The following CCSER1 variants were observed in gnomAD, a reference collection of about 807,000 sequenced individuals.
CCSER1 encodes coiled-coil serine rich protein 1, also known as serine-rich coiled-coil domain-containing protein 1.
In CCSER1, 41 loss-of-function variants were observed where a neutral mutation model predicts 82.0. The ratio of observed to expected loss-of-function variants is 0.50; its 90% CI spans 0.39 to 0.65. The LOEUF is 0.65. Among genes scored for constraint, CCSER1 ranks in the 30% least tolerant of loss-of-function variants. The probability of loss-of-function intolerance (pLI) is 0.00; values close to 1 mark genes in which losing one functional copy is unlikely to be tolerated. For missense variants in CCSER1, 1,119 were observed against 1,064.2 expected (o/e 1.05, Z -0.72); for synonymous variants, 414 against 383.9 (o/e 1.08, Z -0.92).
At chr4:90,155,700 G>A (rs1252647416) in intron 1 of CCSER1, among the ~76,000 whole-genome samples, 1 of 152,144 alleles carries the variant, frequency 6.6e-6, no homozygotes, top group Admixed American at 6.5e-5. Flanking sequence ...ATGGTAGTTT[G>A]TATTTCTGTG....
At chr4:90,542,490 C>T (rs1443334675) in intron 5 of CCSER1, among the ~76,000 whole-genome samples, 6 of 151,986 alleles carry the variant, frequency 3.9e-5, no homozygotes, top group East Asian at 3.9e-4. Context: ...CTTCATGCAC[C>T]GCAATCAAGT....
intron 10 of CCSER1, among the ~76,000 whole-genome samples, chr4:91,409,803 C>T (rs1752922472): frequency 6.6e-6 from 1 of 152,170 alleles, no homozygotes; most frequent in Non-Finnish European, 1.5e-5. Flanking sequence ...CTGCCTCAGC[C>T]TCCTGAGTAG....
At chr4:91,183,694 C>A (rs1734256698) in intron 10 of CCSER1, among the ~76,000 whole-genome samples, 1 of 152,180 alleles carries the variant, frequency 6.6e-6, no homozygotes, top group Non-Finnish European at 1.5e-5. Context: ...TGTTCTTGGA[C>A]AATAACACCA....
chr4:90,987,456 T>C (rs902033348), intron 9 of CCSER1, among the ~76,000 whole-genome samples: 4 of 151,720 alleles, frequency 2.6e-5, no homozygotes, highest in African/African-American at 9.7e-5. Flanking sequence ...CTAAGCATCC[T>C]TTCTCTCTGG....
intron 7 of CCSER1, among the ~76,000 whole-genome samples, chr4:90,734,651 G>T (rs774573265): frequency 1.8e-4 from 28 of 152,086 alleles, no homozygotes; most frequent in Non-Finnish European, 2.6e-4. Context: ...AAATGTTAAT[G>T]ATTTTTGTAT....
intron 5 of CCSER1, among the ~76,000 whole-genome samples, chr4:90,497,574 A>C (rs924461049): frequency 1.3e-5 from 2 of 152,234 alleles, no homozygotes; most frequent in Admixed American, 6.5e-5. Flanking sequence ...TGTTGTTTTT[A>C]ACCTTGCCAG....
At chr4:91,374,178 T>A (rs1254768966) in intron 10 of CCSER1, among the ~76,000 whole-genome samples, 2 of 152,114 alleles carry the variant, frequency 1.3e-5, no homozygotes, top group African/African-American at 4.8e-5. Flanking sequence ...TAGCTAAGAT[T>A]ATTTTGATGA....
chr4:91,375,441 T>C (rs1750340736), intron 10 of CCSER1, among the ~76,000 whole-genome samples: 1 of 152,042 alleles, frequency 6.6e-6, no homozygotes, highest in African/African-American at 2.4e-5. Context: ...GGTAAAATGT[T>C]ATCAAACAGC....
chr4:91,160,594 G>C (rs565818049), intron 10 of CCSER1, among the ~76,000 whole-genome samples: 1 of 152,166 alleles, frequency 6.6e-6, no homozygotes, highest in Non-Finnish European at 1.5e-5. Flanking sequence ...CATTCTAACT[G>C]GTGTGAGATG....
At chr4:91,136,341 G>A (rs574295151) in intron 10 of CCSER1, among the ~76,000 whole-genome samples, 2 of 152,192 alleles carry the variant, frequency 1.3e-5, no homozygotes, top group East Asian at 3.9e-4. Context: ...TCAAAGATGT[G>A]TGGACTGACA....
intron 4 of CCSER1, among the ~76,000 whole-genome samples, chr4:90,460,249 C>T (rs943058046): frequency 3.0e-5 from 4 of 132,372 alleles, no homozygotes; most frequent in African/African-American, 1.3e-4. Context: ...GGCGTGAACC[C>T]GGGAGGCGGA....
intron 5 of CCSER1, among the ~76,000 whole-genome samples, chr4:90,561,237 T>C (rs935221652): frequency 1.3e-5 from 2 of 152,218 alleles, no homozygotes; most frequent in Non-Finnish European, 2.9e-5. Flanking sequence ...AATATTTTTA[T>C]TCCACACAAC....
intron 3 of CCSER1, among the ~76,000 whole-genome samples, chr4:90,333,414 C>T (rs1739717491): frequency 6.6e-6 from 1 of 151,768 alleles, no homozygotes; most frequent in Non-Finnish European, 1.5e-5. Context: ...CAGAAACAAA[C>T]ACAAAACAAA....
intron 7 of CCSER1, among the ~76,000 whole-genome samples, chr4:90,762,271 T>A (rs891777863): frequency 6.6e-6 from 1 of 152,170 alleles, no homozygotes; most frequent in Admixed American, 6.6e-5. Flanking sequence ...TTCTCCTTGC[T>A]GCTGCCATGT....
intron 10 of CCSER1, among the ~76,000 whole-genome samples, chr4:91,344,619 T>C (rs892470533): frequency 1.3e-4 from 19 of 151,916 alleles, no homozygotes; most frequent in African/African-American, 3.9e-4. Flanking sequence ...TGGTAGCTTT[T>C]TAACCTCAAA....
intron 6 of CCSER1, among the ~76,000 whole-genome samples, chr4:90,666,983 T>A (rs1731911824): frequency 2.0e-5 from 3 of 152,178 alleles, no homozygotes. Context: ...ATGGATATAT[T>A]TCTTTCACTA....
intron 5 of CCSER1, among the ~76,000 whole-genome samples, chr4:90,618,971 T>G (rs796607161): frequency 2.3e-4 from 35 of 151,834 alleles, no homozygotes; most frequent in African/African-American, 7.7e-4. Context: ...AACCCATAAC[T>G]GTAAGATCTA....
At chr4:91,346,475 C>T (rs1560602394) in intron 10 of CCSER1, among the ~76,000 whole-genome samples, 2 of 152,180 alleles carry the variant, frequency 1.3e-5, no homozygotes, top group Admixed American at 6.5e-5. Context: ...GGGCATACAA[C>T]AATTTTCAAC....
intron 9 of CCSER1, among the ~76,000 whole-genome samples, chr4:91,038,694 G>C (rs555521678): frequency 1.3e-5 from 2 of 152,228 alleles, no homozygotes; most frequent in East Asian, 1.9e-4. Context: ...CTCACATAAA[G>C]TAAGACAGAT....
Sources: gnomAD v4.1 joint callset for allele counts (sites outside exome capture counted in the v4.1 genomes callset) on GRCh38, gnomAD v4.1.1 for gene constraint, MANE v1.5 for transcripts, NCBI Gene and HGNC (gene_info 2026-07-23, HGNC 2026-07-21) for gene names.